The following LINGO2 variants were observed in gnomAD, a reference collection of about 807,000 sequenced individuals.
LINGO2 encodes the protein leucine-rich repeat and immunoglobulin-like domain-containing nogo receptor-interacting protein 2.
Under a neutral mutation model 30.6 loss-of-function variants are expected in LINGO2, and 14 were observed. That is an observed-to-expected ratio of 0.46 (90% CI 0.30 to 0.72). The LOEUF is 0.72. Among genes scored for constraint, LINGO2 ranks in the 30% least tolerant of loss-of-function variants. The pLI is 0.07. For missense variants in LINGO2, 729 were observed against 751.7 expected (o/e 0.97, Z 0.35); for synonymous variants, 317 against 288.5 (o/e 1.10, Z -1.00).
intron 4 of LINGO2, among the ~76,000 whole-genome samples, chr9:28,077,237 A>G (rs150863879): frequency 9.1e-4 from 139 of 152,342 alleles, no homozygotes; most frequent in African/African-American, 3.2e-3. Context: ...CATACATACA[A>G]GTACCACAAA....
At chr9:28,495,120 C>T (rs1334554372) in intron 1 of LINGO2, among the ~76,000 whole-genome samples, 1 of 152,084 alleles carries the variant, frequency 6.6e-6, no homozygotes, top group African/African-American at 2.4e-5. Context: ...GATATTAGCC[C>T]TTTGTCAGAT....
At chr9:29,166,978 G>C in the LINGO2 span, among the ~76,000 whole-genome samples, 1 of 151,926 alleles carries the variant, frequency 6.6e-6, no homozygotes, top group South Asian at 2.1e-4. Flanking sequence ...TTTAATAAGA[G>C]GTTTTAGAAG....
At chr9:28,496,426 G>A (rs1819630947) in intron 1 of LINGO2, among the ~76,000 whole-genome samples, 1 of 151,244 alleles carries the variant, frequency 6.6e-6, no homozygotes, top group Non-Finnish European at 1.5e-5. Flanking sequence ...GGCCTTCTTT[G>A]TCTCTTTTGA....
chr9:28,998,048 T>C, the LINGO2 span, among the ~76,000 whole-genome samples: 1 of 152,188 alleles, frequency 6.6e-6, no homozygotes, highest in African/African-American at 2.4e-5. Context: ...CTTAAGCTAG[T>C]GAATAGCAGG....
At chr9:27,956,698 C>T (rs7045182) in intron 5 of LINGO2, among the ~76,000 whole-genome samples, 82,623 of 151,938 alleles carry the variant, frequency 0.54, 23,745 homozygotes, top group Non-Finnish European at 0.62. Flanking sequence ...AAGTCCGTGA[C>T]CCATTTTGAA....
At chr9:28,338,447 A>T (rs1179716295) in intron 3 of LINGO2, among the ~76,000 whole-genome samples, 1 of 152,138 alleles carries the variant, frequency 6.6e-6, no homozygotes, top group Non-Finnish European at 1.5e-5. Context: ...GGAATGAGTT[A>T]AGACTTTGGG....
At chr9:28,846,468 T>C in the LINGO2 span, among the ~76,000 whole-genome samples, 14 of 148,478 alleles carry the variant, frequency 9.4e-5, no homozygotes, top group African/African-American at 3.6e-4. Context: ...AATTTCCCCT[T>C]CCTGAAAGAA....
chr9:27,958,115 G>A (rs1006884425), intron 5 of LINGO2, among the ~76,000 whole-genome samples: 7 of 152,090 alleles, frequency 4.6e-5, no homozygotes, highest in Non-Finnish European at 1.0e-4. Context: ...ATTAAGATTG[G>A]GAAGTGTTTT....
intron 2 of LINGO2, among the ~76,000 whole-genome samples, chr9:28,457,190 T>A (rs1266628169): frequency 6.6e-6 from 1 of 152,164 alleles, no homozygotes; most frequent in Non-Finnish European, 1.5e-5. Context: ...TTTAAAAAAA[T>A]GTTCATGAGC....
At chr9:28,956,327 G>T in the LINGO2 span, among the ~76,000 whole-genome samples, 1 of 152,112 alleles carries the variant, frequency 6.6e-6, no homozygotes, top group African/African-American at 2.4e-5. Flanking sequence ...CAGCTGCTGT[G>T]ATGCCAAACA....
chr9:28,486,577 G>A (rs536144527), intron 1 of LINGO2, among the ~76,000 whole-genome samples: 7 of 152,226 alleles, frequency 4.6e-5, no homozygotes, highest in African/African-American at 1.2e-4. Context: ...ATGTATGTGG[G>A]TGTGTATGTA....
chr9:28,635,504 G>T (rs994299060), intron 1 of LINGO2, among the ~76,000 whole-genome samples: 2 of 152,034 alleles, frequency 1.3e-5, no homozygotes, highest in Admixed American at 1.3e-4. Context: ...CAGGAGACAG[G>T]GAAAATAACA....
intron 2 of LINGO2, among the ~76,000 whole-genome samples, chr9:28,464,316 T>C (rs1389039701): frequency 1.3e-5 from 2 of 152,210 alleles, no homozygotes; most frequent in South Asian, 2.1e-4. Context: ...GGCTTTTCCA[T>C]GTTCAGTTTT....
intron 1 of LINGO2, among the ~76,000 whole-genome samples, chr9:28,634,324 T>C (rs1448903887): frequency 6.6e-6 from 1 of 152,084 alleles, no homozygotes; most frequent in Non-Finnish European, 1.5e-5. Flanking sequence ...TTACTATAAG[T>C]TGCATAAGTT....
chr9:28,339,460 G>A (rs1460769040), intron 3 of LINGO2, among the ~76,000 whole-genome samples: 2 of 152,112 alleles, frequency 1.3e-5, no homozygotes, highest in Admixed American at 1.3e-4. Flanking sequence ...CATTGAAAAT[G>A]TTTATTTGAA....
At chr9:28,671,956 GCTA>G (rs1007309749), upstream of LINGO2, among the ~76,000 whole-genome samples, 58 of 152,116 alleles carry the variant, frequency 3.8e-4, no homozygotes, top group Non-Finnish European at 5.9e-5. Flanking sequence ...TTTTCTAAAA[GCTA>G]CTATCAGAAA....
intron 4 of LINGO2, among the ~76,000 whole-genome samples, chr9:28,033,957 A>T (rs192533551): frequency 6.6e-6 from 1 of 152,150 alleles, no homozygotes; most frequent in Admixed American, 6.5e-5. Flanking sequence ...ACACTTCAAT[A>T]TCACCTTCTC....
chr9:29,163,930 G>C, the LINGO2 span, among the ~76,000 whole-genome samples: 3 of 152,098 alleles, frequency 2.0e-5, no homozygotes, highest in Non-Finnish European at 4.4e-5. Context: ...GTGTACTTAA[G>C]TGGGCCTTTG....
chr9:28,647,569 A>G (rs959461622), intron 1 of LINGO2, among the ~76,000 whole-genome samples: 4 of 152,046 alleles, frequency 2.6e-5, no homozygotes, highest in Non-Finnish European at 5.9e-5. Flanking sequence ...CTGGATCTAT[A>G]CTTTTATATA....
Sources: gnomAD v4.1 joint callset for allele counts (sites outside exome capture counted in the v4.1 genomes callset) on GRCh38, gnomAD v4.1.1 for gene constraint, MANE v1.5 for transcripts, NCBI Gene and HGNC (gene_info 2026-07-23, HGNC 2026-07-21) for gene names.